The following PAPPA variants were observed in gnomAD, a reference collection of about 807,000 sequenced individuals.
PAPPA encodes the protein pappalysin 1, also known as pappalysin-1.
PAPPA carries 60 observed loss-of-function variants against 164.0 expected under a neutral mutation model. That is an observed-to-expected ratio of 0.37 (90% CI 0.30 to 0.45). PAPPA has a LOEUF of 0.45. Ranked by LOEUF, PAPPA falls within the 20% of genes least tolerant of loss-of-function variation. PAPPA has a pLI of 1.00. For synonymous variants in PAPPA, 875 were observed against 814.1 expected (o/e 1.07, Z -1.27); for missense variants, 1,782 against 2,087.3 (o/e 0.85, Z 2.85).
intron 6 of PAPPA, among the ~76,000 whole-genome samples, chr9:116,231,075 G>GTATATA (rs3838263): frequency 0.42 from 63,126 of 150,572 alleles, 13,729 homozygotes; most frequent in East Asian, 0.72. Flanking sequence ...CAGCTGCAGT[G>GTATATA]TATATATATA....
At chr9:116,158,819 T>A (rs1298331848) in intron 1 of PAPPA, among the ~76,000 whole-genome samples, 1 of 152,176 alleles carries the variant, frequency 6.6e-6, no homozygotes, top group African/African-American at 2.4e-5. Context: ...TCGCCTGTAC[T>A]TCACAAAAGA....
At position 116,352,931 on chromosome 9, in the gene PAPPA, A is replaced by C. The variant is rs1344428815; in HGVS notation, c.4175+15A>C. The C allele has an allele frequency of 6.3e-7, 1 of 1,598,446 alleles. No homozygotes were observed. The highest frequency in any genetic ancestry group is 8.6e-7 in the Non-Finnish European group (1 of 1,166,554). On this transcript the variant is annotated intron_variant, in intron 16 of 21. Coordinates refer to ENST00000328252, the MANE Select transcript of PAPPA (RefSeq NM_002581.5). ...AAGTCAAAGAAGTAAGTGGGGTTGG[A>C]AATGCAAACTTATGGTCTCTGGGAG...
chr9:116,208,209 C>G, intron 3 of PAPPA, among the ~76,000 whole-genome samples: 1 of 152,206 alleles, frequency 6.6e-6, no homozygotes, highest in East Asian at 1.9e-4. Flanking sequence ...GTTTCTGAAC[C>G]AGGCCCTGTA....
chr9:116,360,660 C>A (rs893049389), intron 17 of PAPPA, among the ~76,000 whole-genome samples: 1 of 152,072 alleles, frequency 6.6e-6, no homozygotes. Flanking sequence ...TTTCTTATTT[C>A]TTAAAGAAAT....
intron 1 of PAPPA, among the ~76,000 whole-genome samples, chr9:116,157,587 A>G (rs1051124217): frequency 2.6e-5 from 4 of 151,974 alleles, no homozygotes; most frequent in Non-Finnish European, 5.9e-5. Context: ...ATGGGGAGAG[A>G]GACACACAGA....
At chr9:116,378,210 T>C (rs188734304) in intron 20 of PAPPA, among the ~76,000 whole-genome samples, 2 of 152,292 alleles carry the variant, frequency 1.3e-5, no homozygotes, top group East Asian at 3.9e-4. Flanking sequence ...TTAAATTCTA[T>C]GACTTCACAG....
At chr9:116,176,856 G>T (rs1843841917) in intron 1 of PAPPA, among the ~76,000 whole-genome samples, 1 of 152,028 alleles carries the variant, frequency 6.6e-6, no homozygotes, top group African/African-American at 2.4e-5. Context: ...GCCAAGGTCT[G>T]ATTATAGCAA....
intron 7 of PAPPA, among the ~76,000 whole-genome samples, chr9:116,250,243 T>C (rs1482550361): frequency 6.6e-6 from 1 of 152,178 alleles, no homozygotes; most frequent in African/African-American, 2.4e-5. Flanking sequence ...TCATGGGCTT[T>C]AATACAAGCC....
intron 17 of PAPPA, among the ~76,000 whole-genome samples, chr9:116,356,554 G>C (rs1224342512): frequency 1.3e-5 from 2 of 152,154 alleles, no homozygotes; most frequent in Admixed American, 6.5e-5. Flanking sequence ...AAACTGAGAA[G>C]TTTTCTGTTT....
intron 2 of PAPPA, among the ~76,000 whole-genome samples, chr9:116,201,200 T>G (rs1844167769): frequency 6.6e-6 from 1 of 152,212 alleles, no homozygotes; most frequent in Admixed American, 6.5e-5. Context: ...GGAGAAAGCT[T>G]GTTATTTGGA....
At chr9:116,394,620 A>G (rs1846937978) in intron 21 of PAPPA, among the ~76,000 whole-genome samples, 1 of 152,220 alleles carries the variant, frequency 6.6e-6, no homozygotes, top group African/African-American at 2.4e-5. Context: ...TCTTCAAGGT[A>G]AAATGAATAG....
At chr9:116,346,083 G>A (rs1846205755) in intron 14 of PAPPA, among the ~76,000 whole-genome samples, 1 of 152,150 alleles carries the variant, frequency 6.6e-6, no homozygotes, top group South Asian at 2.1e-4. Context: ...TTGGCAGTGA[G>A]GGACCTCACT....
chr9:116,298,723 G>A (rs964860033), intron 9 of PAPPA, among the ~76,000 whole-genome samples: 2 of 152,208 alleles, frequency 1.3e-5, no homozygotes, highest in Admixed American at 6.5e-5. Flanking sequence ...TTTTCAGGAT[G>A]TGTATGTGTA....
At chr9:116,376,406 T>A (rs1199610668) in intron 19 of PAPPA, among the ~76,000 whole-genome samples, 1 of 152,226 alleles carries the variant, frequency 6.6e-6, no homozygotes, top group African/African-American at 2.4e-5. Flanking sequence ...ACCCACTTTT[T>A]AAAATATCAT....
chr9:116,237,915 T>C (rs1844689921), intron 7 of PAPPA, among the ~76,000 whole-genome samples: 1 of 152,044 alleles, frequency 6.6e-6, no homozygotes, highest in Non-Finnish European at 1.5e-5. Context: ...AGACGGGGTT[T>C]TGCCAGGTTG....
Position 116,156,082 on chromosome 9 carries a change from A to C in PAPPA, c.415+1495A>C, listed in dbSNP as rs1055824370. ...GACTTCTCTTTCCAAACATGTGAAA[A>C]AGCAAAGAGACTGCTGCTTGGAGGT... On this transcript the variant is annotated intron_variant, in intron 1 of 21. Transcript: ENST00000328252. Among the ~76,000 whole-genome samples the C allele has an allele frequency of 1.1e-4, 17 of 151,516 alleles. 2 individuals carry two copies. Among genetic ancestry groups the C allele is most frequent in the Admixed American group, 1.1e-3 (17 of 15,208 alleles).
chr9:116,334,986 G>A lies in PAPPA; in HGVS notation c.3523G>A (p.Gly1175Arg). ...CAGTTCGCCCCTGGTCGCCATCTCG[G>A]GGGTGGCCCTCCGTTCCTTCGACAA... ...SFSSPLVAISGVALRSFDNFD... is the reference protein window; with the variant it reads ...SFSSPLVAISRVALRSFDNFD... Residue 1175 changes from glycine (G) to arginine (R), a missense_variant, in exon 13 of 22, where the codon GGG (glycine) becomes AGG (arginine). By Grantham distance (125) the Gly-to-Arg change is moderately radical. Around this residue, in one of 2 missense-constraint regions of PAPPA, gnomAD observed 1,324 missense variants for 1,656.9 expected, o/e 0.80. Transcript: ENST00000328252. 1 of 1,613,996 alleles carries A rather than the reference G, an allele frequency of 6.2e-7. No homozygotes were observed. Among genetic ancestry groups the A allele is most frequent in the Non-Finnish European group, 8.5e-7 (1 of 1,180,014 alleles).
Position 116,353,727 on chromosome 9 carries a change from G to A in PAPPA, c.4281G>A (p.Gln1427=). Residue 1427 remains glutamine (Q), a synonymous_variant, in exon 17 of 22, where the codon CAG becomes CAA. Transcript: ENST00000328252. ...PPPPKFHGLY[Q]CTNGFQFNSE... is the part of the protein sequence containing the mutation. ...CACCAAAATTCCATGGGCTCTACCA[G>A]TGTACTAATGGCTTCCAGTTCAACA... 1 of 1,614,136 alleles carries A rather than the reference G, an allele frequency of 6.2e-7. No individual in the cohort carries two copies. The highest frequency in any genetic ancestry group is 8.5e-7 in the Non-Finnish European group (1 of 1,179,978).
At chr9:116,273,544 G>T (rs1845161594) in intron 9 of PAPPA, among the ~76,000 whole-genome samples, 1 of 152,176 alleles carries the variant, frequency 6.6e-6, no homozygotes, top group African/African-American at 2.4e-5. Flanking sequence ...GTTTACTGGA[G>T]CCAGGTGCAG....
Sources: allele counts gnomAD v4.1 joint callset (sites outside exome capture counted in the v4.1 genomes callset), GRCh38; gene constraint gnomAD v4.1.1; regional missense constraint gnomAD v4.1.1; transcripts MANE v1.5; gene names NCBI Gene and HGNC (gene_info 2026-07-23, HGNC 2026-07-21).